Variants in SVEP1 observed in about 807,000 individuals in gnomAD.
The protein encoded by SVEP1 is sushi, von Willebrand factor type A, EGF and pentraxin domain containing 1.
SVEP1 carries 164 observed loss-of-function variants against 367.3 expected under a neutral mutation model. The observed-to-expected ratio is 0.45, with a 90% CI of 0.39 to 0.51. The LOEUF (loss-of-function observed/expected upper bound fraction) is 0.51, where lower values mean the gene tolerates loss of function less well. SVEP1 is among the 20% of genes least tolerant of loss of function. The pLI, the probability that SVEP1 is intolerant of heterozygous loss-of-function variation, is 0.00. For synonymous variants in SVEP1, 1,666 were observed against 1,611.6 expected (o/e 1.03, Z -0.81); for missense variants, 4,117 against 4,425.3 (o/e 0.93, Z 1.98).
chr9:110,389,691 T>G, intron 40 of SVEP1, 104 bp from the exon 41 acceptor site: 1 of 1,213,212 alleles, frequency 8.2e-7, no homozygotes, highest in Non-Finnish European at 1.2e-6. Flanking sequence ...CGCTCAGCAC[T>G]GGAATGCTAA....
At position 110,409,571 on chromosome 9, in the gene SVEP1, T is replaced by G. The variant is rs955548612; in HGVS notation, c.6649-620A>C. ...ACTGATGAGGCAACGCTAAAAATGA[T>G]AAATTACTCAGTTCAAAAAAACTTT... is the stretch of plus-strand genomic sequence containing the variant. On this transcript the variant is annotated intron_variant, in intron 37 of 47. Transcript: ENST00000374469. Among the ~76,000 whole-genome samples the G allele has an allele frequency of 7.5e-4, 114 of 152,178 alleles. 1 individual carries two copies. Among genetic ancestry groups the G allele is most frequent in the African/African-American group, 2.7e-3 (111 of 41,446 alleles).
intron 47 of SVEP1, among the ~76,000 whole-genome samples, chr9:110,367,232 T>C (rs1029595024): frequency 1.3e-5 from 2 of 152,234 alleles, no homozygotes; most frequent in Admixed American, 6.5e-5. Context: ...CAATCTTGGC[T>C]CGCTGCAACC....
At chr9:110,369,275 T>C (rs970287485) in intron 47 of SVEP1, among the ~76,000 whole-genome samples, 6 of 152,210 alleles carry the variant, frequency 3.9e-5, no homozygotes, top group African/African-American at 1.2e-4. Context: ...TGACTTGTGA[T>C]AGTATTTTTA....
intron 1 of SVEP1, among the ~76,000 whole-genome samples, chr9:110,562,688 A>T (rs1226332124): frequency 6.6e-6 from 1 of 151,740 alleles, no homozygotes; most frequent in Non-Finnish European, 1.5e-5. Context: ...TCACTTTTTT[A>T]TTATTATTAT....
chr9:110,377,701 GTTTTC>G (rs756610523), intron 44 of SVEP1, among the ~76,000 whole-genome samples: 1 of 152,084 alleles, frequency 6.6e-6, no homozygotes, highest in Non-Finnish European at 1.5e-5. Flanking sequence ...CATAGTTATT[GTTTTC>G]TTTCTTTCTT....
intron 6 of SVEP1, among the ~76,000 whole-genome samples, chr9:110,502,496 C>T (rs188443226): frequency 2.6e-5 from 4 of 152,206 alleles, no homozygotes; most frequent in Non-Finnish European, 4.4e-5. Flanking sequence ...TCTCCTGCAT[C>T]CATTCTCCCT....
intron 14 of SVEP1, 32 bp downstream of exon 14, chr9:110,476,172 T>G (rs1829093914): frequency 7.2e-7 from 1 of 1,392,204 alleles, no homozygotes; most frequent in Admixed American, 1.7e-5. Flanking sequence ...AGATTAGTCT[T>G]GCCAACTACC....
intron 1 of SVEP1, among the ~76,000 whole-genome samples, chr9:110,568,852 C>A (rs1262080778): frequency 6.6e-6 from 1 of 152,226 alleles, no homozygotes; most frequent in Non-Finnish European, 1.5e-5. Flanking sequence ...ATAATCCCAG[C>A]ACTTTGGGAG....
At chr9:110,576,562 GTAAAA>G (rs1483985687) in intron 1 of SVEP1, among the ~76,000 whole-genome samples, 2 of 151,582 alleles carry the variant, frequency 1.3e-5, no homozygotes. Context: ...TTTATTATCA[GTAAAA>G]TAAAATATAT....
chr9:110,451,402 C>T lies in SVEP1; in HGVS notation c.3788G>A (p.Gly1263Asp). Residue 1263 changes from glycine to aspartate, a missense_variant and splice_region_variant, in exon 23 of 48, where the codon GGT becomes GAT. Transcript: ENST00000374469. ...FICECPSGYT[G>D]QRCEENINEC... is the part of the protein sequence containing the mutation. ...ATTTATATTTTCTTCACACCGCTGACCTGCAAAGAATCATTCATCTTTGAG... is the reference window on the plus strand; with the variant it reads ...ATTTATATTTTCTTCACACCGCTGATCTGCAAAGAATCATTCATCTTTGAG... 20 of 1,610,762 alleles carry T rather than the reference C, an allele frequency of 1.2e-5. No individual in the cohort carries two copies. The highest frequency in any genetic ancestry group is 1.6e-5 in the Non-Finnish European group (19 of 1,177,780).
chr9:110,367,542 T>A (rs990341572), intron 47 of SVEP1, among the ~76,000 whole-genome samples: 1 of 152,182 alleles, frequency 6.6e-6, no homozygotes, highest in Non-Finnish European at 1.5e-5. Context: ...ATTGTTTATT[T>A]CTCAGACAAG....
chr9:110,487,960 T>C (rs1200858454), intron 9 of SVEP1, among the ~76,000 whole-genome samples: 1 of 152,168 alleles, frequency 6.6e-6, no homozygotes, highest in Non-Finnish European at 1.5e-5. Flanking sequence ...CTCCATGTAT[T>C]TTATTTTGGT....
intron 46 of SVEP1, 85 bp from the exon 47 acceptor site, chr9:110,370,101 C>T: frequency 8.2e-7 from 1 of 1,222,898 alleles, no homozygotes; most frequent in Non-Finnish European, 1.2e-6. Flanking sequence ...TAAGATTTGA[C>T]TCTACTTCCT....
In SVEP1 at chr9:110,567,593, C is replaced by G. The variant is rs373923090; in HGVS notation, c.531+11420G>C. Reference sequence around the variant, plus strand: ...CTTTGAAGAACACTCCACATTTTCTCAGATCCCACTTCCAGTACTGCACCT... The same window carrying G: ...CTTTGAAGAACACTCCACATTTTCTGAGATCCCACTTCCAGTACTGCACCT... On this transcript the variant is annotated intron_variant, in intron 1 of 47. Coordinates refer to ENST00000374469, the MANE Select transcript of SVEP1 (RefSeq NM_153366.4). Among the ~76,000 whole-genome samples, 3 of 152,330 alleles carry G rather than the reference C, an allele frequency of 2.0e-5. No individual in the cohort carries two copies. The East Asian group carries it at 5.8e-4, about 29-fold the overall frequency.
chr9:110,366,436 C>A lies in SVEP1; in HGVS notation c.*103G>T. On this transcript the variant is annotated 3_prime_UTR_variant, in exon 48 of 48. Transcript: ENST00000374469. ...CAAGTAACAAGTTTACTAAACAAGACCCAGCACCATGTTGGACTTTCTTTG... is the reference window on the plus strand; with the variant it reads ...CAAGTAACAAGTTTACTAAACAAGAACCAGCACCATGTTGGACTTTCTTTG... The A allele has an allele frequency of 8.1e-7, 1 of 1,227,976 alleles. No homozygotes were observed. Among genetic ancestry groups the A allele is most frequent in the Non-Finnish European group, 1.1e-6 (1 of 919,186 alleles). 76.1% of individuals were successfully genotyped at this position (1,227,976 alleles called of 1,614,324 possible). A position where few individuals can be genotyped will look rare whatever the true frequency, so the allele number is the denominator to read the frequency against.
At position 110,406,619 on chromosome 9, in the gene SVEP1, G is replaced by A. The variant is rs1827958574; in HGVS notation, c.8981C>T (p.Ser2994Phe). Residue 2994 changes from serine (S) to phenylalanine (F), a missense_variant, in exon 38 of 48, where the codon TCC becomes TTC. Around this residue, in one of 4 missense-constraint regions of SVEP1, gnomAD observed 1,765 missense variants for 1,781.1 expected, o/e 0.99. Transcript: ENST00000374469. Reference sequence around the variant, plus strand: ...GCAGGAAGGTGAGCTGCCACTCCAGGAGCCATTGGAGAGGCACCTTCTTGA... The same window carrying A: ...GCAGGAAGGTGAGCTGCCACTCCAGAAGCCATTGGAGAGGCACCTTCTTGA... ...NSSRRCLSNG[S>F]WSGSSPSCLP... The A allele has an allele frequency of 6.2e-7, 1 of 1,613,942 alleles. No homozygotes were observed. Among genetic ancestry groups the A allele is most frequent in the African/African-American group, 1.3e-5 (1 of 75,050 alleles).
intron 40 of SVEP1, among the ~76,000 whole-genome samples, chr9:110,399,925 C>T (rs1277132614): frequency 1.3e-5 from 2 of 152,084 alleles, no homozygotes; most frequent in Non-Finnish European, 2.9e-5. Flanking sequence ...TAAAATAGGC[C>T]TCTTAAATTT....
Position 110,434,497 on chromosome 9 carries a change from C to T in SVEP1, c.4898G>A (p.Arg1633His), listed in dbSNP as rs761829164. Residue 1633 changes from arginine (R) to histidine (H), a missense_variant, in exon 30 of 48, where the codon CGC (arginine) becomes CAC (histidine). Transcript: ENST00000374469. The part of the protein sequence containing the change: ...SKSIFCSDCP[R>H]LGGSVPHLRT... ...CAGATGAGGCACTGACCCTCCTAAG[C>T]GTGGGCAATCTGAGGGCAAAGAACA... 7 of 1,612,620 alleles carry T rather than the reference C, an allele frequency of 4.3e-6. No homozygotes were observed. The highest frequency in any genetic ancestry group is 2.5e-6 in the Non-Finnish European group (3 of 1,179,548).
At chr9:110,512,465 C>T (rs1259144002) in intron 5 of SVEP1, among the ~76,000 whole-genome samples, 2 of 152,006 alleles carry the variant, frequency 1.3e-5, no homozygotes, top group African/African-American at 2.4e-5. Context: ...CTTGGACTCT[C>T]GCTTTGACAA....
Sources: allele counts gnomAD v4.1 joint callset (sites outside exome capture counted in the v4.1 genomes callset), GRCh38; gene constraint gnomAD v4.1.1; regional missense constraint gnomAD v4.1.1; transcripts MANE v1.5; gene names NCBI Gene and HGNC (gene_info 2026-07-23, HGNC 2026-07-21).